The following BLTP1 variants were observed in gnomAD, a reference collection of about 807,000 sequenced individuals.
BLTP1 encodes fragile site-associated protein.
chr4:122,202,640 C>A, the BLTP1 span: 1 of 481,670 alleles, frequency 2.1e-6, no homozygotes, highest in Non-Finnish European at 2.7e-6. Context: ...TTTACTCCTT[C>A]ACATTACTTT....
chr4:122,246,752 CAT>C, the BLTP1 span: 1 of 1,613,102 alleles, frequency 6.2e-7, no homozygotes, highest in Non-Finnish European at 8.5e-7. Context: ...GAGTGTGACT[CAT>C]GTTTCCCTAG....
chr4:122,277,580 A>G, the BLTP1 span: 2 of 956,384 alleles, frequency 2.1e-6, no homozygotes, highest in Non-Finnish European at 2.5e-6. Context: ...GAAAGATCGT[A>G]TCTTTGCTTT....
At chr4:122,195,665 C>T in the BLTP1 span, 2 of 809,020 alleles carry the variant, frequency 2.5e-6, no homozygotes, top group East Asian at 1.3e-4. Context: ...CTCCTATCTA[C>T]CCACCTTGTA....
chr4:122,341,922 A>T, the BLTP1 span: 1 of 601,268 alleles, frequency 1.7e-6, no homozygotes, highest in Non-Finnish European at 2.1e-6. Flanking sequence ...AGAATACAAA[A>T]TGCACGAAGA....
At chr4:122,237,452 G>A in the BLTP1 span, 5 of 744,776 alleles carry the variant, frequency 6.7e-6, no homozygotes, top group African/African-American at 9.6e-5. Flanking sequence ...AGGTACATCA[G>A]TGAATGAAAA....
At chr4:122,303,093 C>G in the BLTP1 span, among the ~76,000 whole-genome samples, 2 of 152,178 alleles carry the variant, frequency 1.3e-5, no homozygotes, top group African/African-American at 4.8e-5. Context: ...AGAGAGAAAT[C>G]AATGCCTGGC....
the BLTP1 span, among the ~76,000 whole-genome samples, chr4:122,311,547 G>GATT: frequency 5.0e-3 from 760 of 152,082 alleles, 2 homozygotes; most frequent in Non-Finnish European, 8.8e-3. Flanking sequence ...GGAATGTTAG[G>GATT]ATTATGCCTT....
At chr4:122,260,863 T>C in the BLTP1 span, among the ~76,000 whole-genome samples, 1 of 152,136 alleles carries the variant, frequency 6.6e-6, no homozygotes, top group Non-Finnish European at 1.5e-5. Context: ...CGTACACTGA[T>C]ATAGATGCAT....
the BLTP1 span, among the ~76,000 whole-genome samples, chr4:122,309,923 C>T: frequency 1.1e-4 from 16 of 152,016 alleles, 1 homozygote. Flanking sequence ...AACATGAATT[C>T]CTGCAATTCC....
the BLTP1 span, among the ~76,000 whole-genome samples, chr4:122,205,499 TTCTCTC>T: frequency 2.0e-4 from 28 of 140,810 alleles, no homozygotes; most frequent in East Asian, 8.1e-4. Flanking sequence ...TTCCAATTGT[TTCTCTC>T]TCTCTCTCTC....
At chr4:122,215,038 A>G in the BLTP1 span, among the ~76,000 whole-genome samples, 1 of 152,222 alleles carries the variant, frequency 6.6e-6, no homozygotes, top group Non-Finnish European at 1.5e-5. Flanking sequence ...TTATAATTTT[A>G]AAAGTACATT....
At chr4:122,356,226 T>C in the BLTP1 span, among the ~76,000 whole-genome samples, 1 of 152,174 alleles carries the variant, frequency 6.6e-6, no homozygotes, top group Non-Finnish European at 1.5e-5. Context: ...AGGACTATTA[T>C]CAGGAATAAA....
At chr4:122,224,502 G>A in the BLTP1 span, 12 of 1,609,656 alleles carry the variant, frequency 7.5e-6, no homozygotes, top group African/African-American at 2.7e-5. Context: ...TTTCAGCAGC[G>A]ACCCCCTGTG....
At chr4:122,185,415 T>A in the BLTP1 span, 1 of 985,390 alleles carries the variant, frequency 1.0e-6, no homozygotes, top group Non-Finnish European at 1.2e-6. Flanking sequence ...GGTTGACATG[T>A]GATGCATTGT....
At chr4:122,236,738 ATTCTCT>A in the BLTP1 span, 1 of 937,176 alleles carries the variant, frequency 1.1e-6, no homozygotes, top group Admixed American at 6.2e-5. Flanking sequence ...AAAATAGTAA[ATTCTCT>A]TTCTAACATT....
chr4:122,344,425 T>G, the BLTP1 span: 1 of 1,613,912 alleles, frequency 6.2e-7, no homozygotes, highest in South Asian at 1.1e-5. Context: ...GTCGAAAAGA[T>G]TCACTCAGTA....
At chr4:122,352,547 A>T in the BLTP1 span, among the ~76,000 whole-genome samples, 1 of 151,956 alleles carries the variant, frequency 6.6e-6, no homozygotes, top group Non-Finnish European at 1.5e-5. Flanking sequence ...TTTAGTAGAG[A>T]CAGGGTTTCA....
the BLTP1 span, among the ~76,000 whole-genome samples, chr4:122,160,735 A>G: frequency 6.6e-6 from 1 of 152,116 alleles, no homozygotes; most frequent in East Asian, 1.9e-4. Flanking sequence ...TTGTTTTGGG[A>G]TCTCCTTAGG....
At chr4:122,343,402 C>T in the BLTP1 span, 2 of 1,612,854 alleles carry the variant, frequency 1.2e-6, no homozygotes, top group African/African-American at 1.3e-5. Flanking sequence ...TTCCTGTGCT[C>T]ACTGTAGGTT....
Sources: allele counts gnomAD v4.1 joint callset (sites outside exome capture counted in the v4.1 genomes callset), GRCh38; gene constraint gnomAD v4.1.1; transcripts MANE v1.5; gene names NCBI Gene and HGNC (gene_info 2026-07-23, HGNC 2026-07-21).